The following ZNF638 variants were observed in gnomAD, a reference collection of about 807,000 sequenced individuals.
ZNF638 encodes the protein zinc finger protein 638.
A neutral mutation model predicts 195.6 loss-of-function variants in ZNF638; 46 were observed. The observed-to-expected ratio is 0.24, with a 90% CI of 0.19 to 0.30. ZNF638 has a LOEUF of 0.30. ZNF638 is among the 10% of genes least tolerant of loss of function. The pLI, the probability that ZNF638 is intolerant of heterozygous loss-of-function variation, is 1.00. For synonymous variants in ZNF638, 845 were observed against 772.0 expected (o/e 1.09, Z -1.57); for missense variants, 2,440 against 2,325.3 (o/e 1.05, Z -1.01).
intron 21 of ZNF638, among the ~76,000 whole-genome samples, chr2:71,421,345 A>G (rs1277803626): frequency 7.1e-6 from 1 of 141,630 alleles, no homozygotes; most frequent in Non-Finnish European, 1.5e-5. Context: ...ATATTTTGAA[A>G]AAAAGGGGTG....
chr2:71,382,448 G>A (rs1258391244), intron 10 of ZNF638, among the ~76,000 whole-genome samples: 1 of 152,124 alleles, frequency 6.6e-6, no homozygotes, highest in Admixed American at 6.6e-5. Flanking sequence ...TTTGAGATCC[G>A]CTCAGATTGA....
chr2:71,398,203 G>A (rs1305346667), intron 11 of ZNF638, among the ~76,000 whole-genome samples: 2 of 152,048 alleles, frequency 1.3e-5, no homozygotes, highest in African/African-American at 4.8e-5. Flanking sequence ...TTTTTTTTCA[G>A]ATTTTGGAAT....
At chr2:71,421,596 C>G (rs974418094) in intron 21 of ZNF638, among the ~76,000 whole-genome samples, 1 of 152,056 alleles carries the variant, frequency 6.6e-6, no homozygotes, top group Non-Finnish European at 1.5e-5. Flanking sequence ...CAGATATACA[C>G]CATCTTGTGT....
rs376046496 is a variant in ZNF638 at position 71,364,206 on chromosome 2, A to G, written c.1671A>G (p.Arg557=). The stretch of plus-strand genomic sequence containing the variant: ...TTAGAGGTAGTCCAAAATGCTTTCG[A>G]TCAGTTAGCCCTGAGAGGATGTCAA... ...NPFRGSPKCF[R]SVSPERMSRR... Residue 557 remains arginine, a synonymous_variant, in exon 5 of 28, where the codon CGA becomes CGG. Transcript: ENST00000264447. 6.3e-5 allele frequency: 101 copies of G among 1,614,118 alleles called. 1 individual carries two copies. The South Asian group carries it at 9.9e-4, about 16-fold the overall frequency.
At chr2:71,376,870 A>G (rs144246973) in intron 8 of ZNF638, among the ~76,000 whole-genome samples, 1,938 of 152,248 alleles carry the variant, frequency 0.013, 38 homozygotes, top group African/African-American at 0.042. Context: ...GTGATTCTTA[A>G]GTCTTTTTGA....
rs2080459993 is a variant in ZNF638, at chr2:71,422,828, A to C, written c.3314A>C (p.Asn1105Thr). ...AATACTTTTAGCCCTGGCTTGAAAA[A>C]CAGTCCAATTGATGAAAGTGAGGTG... The part of the protein sequence containing the change: ...ELEKESPGLK[N>T]SPIDESEVQT... Residue 1105 changes from asparagine to threonine, a missense_variant, in exon 22 of 28, where the codon AAC becomes ACC. This residue lies in a region of ZNF638 where 1,883 missense variants were observed against 1,739.1 expected (regional missense o/e 1.08). Coordinates refer to ENST00000264447, the MANE Select transcript of ZNF638 (RefSeq NM_014497.5). The C allele has an allele frequency of 1.2e-6, 2 of 1,608,836 alleles. No individual in the cohort carries two copies. The highest frequency in any genetic ancestry group is 2.7e-5 in the African/African-American group (2 of 74,578).
At chr2:71,344,976 A>G (rs937317458) in intron 1 of ZNF638, among the ~76,000 whole-genome samples, 18 of 152,180 alleles carry the variant, frequency 1.2e-4, no homozygotes, top group African/African-American at 4.1e-4. Context: ...AAATATGAGT[A>G]TACAGTAGTC....
chr2:71,422,103 T>G (rs1014664921), intron 21 of ZNF638, among the ~76,000 whole-genome samples: 2 of 152,182 alleles, frequency 1.3e-5, no homozygotes, highest in Admixed American at 6.5e-5. Flanking sequence ...GGAAGGTTTA[T>G]TTTTTAATGC....
At chr2:71,351,615 A>G (rs1027679072) in intron 2 of ZNF638, among the ~76,000 whole-genome samples, 3 of 152,190 alleles carry the variant, frequency 2.0e-5, no homozygotes, top group Non-Finnish European at 4.4e-5. Context: ...TACATCTTTA[A>G]ATAAAGAACT....
intron 10 of ZNF638, chr2:71,388,364 T>C (rs1273866565): frequency 1.7e-6 from 1 of 590,160 alleles, no homozygotes; most frequent in Non-Finnish European, 3.1e-6. Context: ...TCATCTGACC[T>C]TTGATCATCC....
chr2:71,405,363 C>T (rs1320431865), intron 17 of ZNF638, among the ~76,000 whole-genome samples: 1 of 152,080 alleles, frequency 6.6e-6, no homozygotes, highest in African/African-American at 2.4e-5. Flanking sequence ...ATGGTACTAT[C>T]TTATTAGTCT....
intron 8 of ZNF638, 119 bp from the exon 9 acceptor site, chr2:71,380,099 TATAA>T (rs763695888): frequency 2.1e-4 from 100 of 477,652 alleles, no homozygotes; most frequent in Non-Finnish European, 3.2e-4. Context: ...AAAATGTCTT[TATAA>T]ATAGGAAAAG....
rs755599692 is a variant in ZNF638 at position 71,364,032 on chromosome 2, A to G, written c.1497A>G (p.Ser499=). 1 of 1,614,230 alleles carries G rather than the reference A, an allele frequency of 6.2e-7. No individual in the cohort carries two copies. The highest frequency in any genetic ancestry group is 8.5e-7 in the Non-Finnish European group (1 of 1,180,034). ...HSPSPRRSRR[S]SSSHRFRRSR... is the part of the protein sequence containing the mutation. ...CCAGTCCTAGGCGTTCTAGAAGATC[A>G]AGCTCAAGTCACAGATTCCGTCGGT... Residue 499 remains serine (S), a synonymous_variant, in exon 5 of 28, where the codon TCA becomes TCG. Coordinates refer to ENST00000264447, the MANE Select transcript of ZNF638 (RefSeq NM_014497.5).
At chr2:71,380,739 C>T in intron 10 of ZNF638, 174 bp downstream of exon 10, 1 of 467,312 alleles carries the variant, frequency 2.1e-6, no homozygotes, top group Admixed American at 4.2e-5. Context: ...TGTGTAATTA[C>T]AGAATCACTT....
intron 20 of ZNF638, among the ~76,000 whole-genome samples, chr2:71,417,571 C>T (rs1327650172): frequency 1.3e-5 from 2 of 149,062 alleles, no homozygotes; most frequent in East Asian, 1.9e-4. Context: ...TACTTTTGTG[C>T]ATTTGTTTTT....
At position 71,423,407 on chromosome 2, in the gene ZNF638, A is replaced by G. The variant is rs1056184291; in HGVS notation, c.3893A>G (p.Lys1298Arg). ...GGGGATGAGAAGACAGTGGACAAAA[A>G]GAATATTTCTGAAAAAAAAGGTAAC... Reference protein sequence around the residue: ...PTGDEKTVDKKNISEKKGNMD... With the variant: ...PTGDEKTVDKRNISEKKGNMD... Residue 1298 changes from lysine (K) to arginine (R), a missense_variant, in exon 22 of 28, where the codon AAG (lysine) becomes AGG (arginine). By Grantham distance (26) the Lys-to-Arg change is conservative. Transcript: ENST00000264447. 3 of 1,613,946 alleles carry G rather than the reference A, an allele frequency of 1.9e-6. No homozygotes were observed. Among genetic ancestry groups the G allele is most frequent in the South Asian group, 1.1e-5 (1 of 91,066 alleles).
intron 1 of ZNF638, among the ~76,000 whole-genome samples, chr2:71,333,276 G>C (rs1242974013): frequency 6.6e-6 from 1 of 152,154 alleles, no homozygotes; most frequent in Non-Finnish European, 1.5e-5. Context: ...GGGCGTCCCA[G>C]CATGTTATAC....
chr2:71,362,317 T>C (rs994145430), intron 3 of ZNF638, among the ~76,000 whole-genome samples: 1 of 152,234 alleles, frequency 6.6e-6, no homozygotes, highest in East Asian at 1.9e-4. Context: ...TAATTGCGGC[T>C]TCTACATGCC....
chr2:71,371,378 G>C (rs2079309812), intron 8 of ZNF638, among the ~76,000 whole-genome samples: 1 of 152,102 alleles, frequency 6.6e-6, no homozygotes, highest in Admixed American at 6.5e-5. Flanking sequence ...GGGATTGCTG[G>C]ATTGTATGGT....
Sources: allele counts gnomAD v4.1 joint callset (sites outside exome capture counted in the v4.1 genomes callset), GRCh38; gene constraint gnomAD v4.1.1; regional missense constraint gnomAD v4.1.1; transcripts MANE v1.5; gene names NCBI Gene and HGNC (gene_info 2026-07-23, HGNC 2026-07-21).